Variants in CLTA observed in about 807,000 individuals in gnomAD.
CLTA encodes the protein clathrin light chain A.
In CLTA, 9 loss-of-function variants were observed where a neutral mutation model predicts 26.9. That is an observed-to-expected ratio of 0.33 (90% CI 0.20 to 0.58). The LOEUF is 0.58. Ranked by LOEUF, CLTA falls within the 20% of genes least tolerant of loss-of-function variation. The pLI, the probability that CLTA is intolerant of heterozygous loss-of-function variation, is 0.85. For synonymous variants in CLTA, 120 were observed against 115.5 expected, an observed-to-expected ratio of 1.04 and a Z score of -0.25; for missense variants, 278 against 294.2, an observed-to-expected ratio of 0.94 and a Z score of 0.40.
chr9:36,209,391 T>C (rs1827912534), intron 4 of CLTA: 2 of 1,205,674 alleles, frequency 1.7e-6, no homozygotes, highest in Admixed American at 3.6e-5. Context: ...AATGCTCCTT[T>C]TATGTCACAA....
chr9:36,198,892 A>AC (rs1341663463), intron 2 of CLTA, 87 bp from the exon 3 acceptor site: 2 of 835,554 alleles, frequency 2.4e-6, no homozygotes, highest in African/African-American at 1.8e-5. Context: ...AAAAAAAAAA[A>AC]CAGAACCAGG....
rs1587239040 is a variant in CLTA at position 36,205,561 on chromosome 9, T to C, written c.485+1382T>C. ...TAAGTTTAGTCTGAAGTACTGTAGC[T>C]GTGCCGACCCTCCCCGCTCTGGGTC... On this transcript the variant is annotated intron_variant, in intron 4 of 4. Transcript: ENST00000345519. 3.9e-5 allele frequency among the ~76,000 whole-genome samples: 6 copies of C among 152,332 alleles called. No homozygotes were observed. The South Asian group carries it at 1.0e-3, about 26-fold the overall frequency.
At chr9:36,190,909 CG>C, upstream of CLTA, 1 of 1,355,582 alleles carries the variant, frequency 7.4e-7, no homozygotes, top group Non-Finnish European at 9.6e-7. Flanking sequence ...ACCGGATACA[CG>C]GGTAGGGCTT....
Position 36,191,037 on chromosome 9 carries a change from G to C in CLTA, c.-20G>C. On this transcript the variant is annotated 5_prime_UTR_variant, in exon 1 of 5. Transcript: ENST00000345519. ...GGTTTTTGTCTCACCGTTGGTGTCC[G>C]TGCCGTTCAGTTGCCCGCCATGGCT... 6.6e-7 allele frequency: 1 copy of C among 1,518,200 alleles called. No individual in the cohort carries two copies. Among genetic ancestry groups the C allele is most frequent in the Middle Eastern group, 1.8e-4 (1 of 5,684 alleles). The allele number at this position is 1,518,200 out of a possible 1,614,324, so 94.0% of individuals were successfully genotyped here.
intron 2 of CLTA, 146 bp downstream of exon 2, chr9:36,197,734 A>G: frequency 1.6e-6 from 1 of 631,616 alleles, no homozygotes. Context: ...CAAAGTGGAA[A>G]GATTTAAAGA....
chr9:36,195,011 C>T (rs533839520), intron 1 of CLTA, among the ~76,000 whole-genome samples: 55 of 152,288 alleles, frequency 3.6e-4, no homozygotes, highest in African/African-American at 1.3e-3. Flanking sequence ...CAAAGTCTCT[C>T]ATATTCCAGC....
intron 4 of CLTA, among the ~76,000 whole-genome samples, chr9:36,210,396 T>G (rs374616389): frequency 3.3e-5 from 5 of 152,158 alleles, no homozygotes; most frequent in African/African-American, 7.2e-5. Flanking sequence ...ACAGGTGGTG[T>G]TTGATTTGAT....
At position 36,200,236 on chromosome 9, in the gene CLTA, T is replaced by G. The variant is rs141614052; in HGVS notation, c.373+1140T>G. 5.1e-3 allele frequency among the ~76,000 whole-genome samples: 776 copies of G among 152,320 alleles called. 4 individuals are homozygous for G. The highest frequency in any genetic ancestry group is 8.8e-3 in the Admixed American group (135 of 15,290). ...AGCTGACTTTAAGATTCATCTTTTC[T>G]CAACTTTACAGAACAATTGAAAGGA... is the stretch of plus-strand genomic sequence containing the variant. On this transcript the variant is annotated intron_variant, in intron 3 of 4. Coordinates refer to ENST00000345519, the MANE Select transcript of CLTA (RefSeq NM_001833.4).
intron 2 of CLTA, among the ~76,000 whole-genome samples, chr9:36,198,574 G>C (rs1827191307): frequency 6.6e-6 from 1 of 151,870 alleles, no homozygotes; most frequent in Non-Finnish European, 1.5e-5. Context: ...CTACTGGGGA[G>C]GCTGAGGCAA....
intron 2 of CLTA, among the ~76,000 whole-genome samples, chr9:36,198,345 A>G (rs989179756): frequency 7.9e-5 from 12 of 151,554 alleles, no homozygotes; most frequent in South Asian, 2.1e-4. Flanking sequence ...TCTAACAACA[A>G]TGGCGGCTTT....
intron 1 of CLTA, among the ~76,000 whole-genome samples, chr9:36,193,325 T>TTC (rs1826846642): frequency 6.6e-6 from 1 of 151,960 alleles, no homozygotes; most frequent in African/African-American, 2.4e-5. Flanking sequence ...TTCTTTTTTT[T>TTC]TTTTTTTAAA....
At chr9:36,200,924 G>A (rs1300083698) in intron 3 of CLTA, among the ~76,000 whole-genome samples, 1 of 152,160 alleles carries the variant, frequency 6.6e-6, no homozygotes, top group Non-Finnish European at 1.5e-5. Context: ...CTTGTTCTTT[G>A]TGTCTCTTGA....
intron 4 of CLTA, among the ~76,000 whole-genome samples, chr9:36,205,303 GCT>G (rs1360554290): frequency 2.6e-4 from 39 of 152,302 alleles, no homozygotes; most frequent in African/African-American, 8.4e-4. Flanking sequence ...CCACAGGACT[GCT>G]CTCTGGTGTG....
intron 3 of CLTA, among the ~76,000 whole-genome samples, chr9:36,201,456 G>A (rs1000289189): frequency 6.6e-6 from 1 of 152,162 alleles, no homozygotes; most frequent in South Asian, 2.1e-4. Flanking sequence ...TTCTAAATTA[G>A]TATTGCAGTG....
Position 36,211,761 on chromosome 9 carries a change from C to G in CLTA, c.644C>G (p.Pro215Arg). 1.9e-6 allele frequency: 3 copies of G among 1,610,294 alleles called. No homozygotes were observed. Among genetic ancestry groups the G allele is most frequent in the Non-Finnish European group, 2.5e-6 (3 of 1,177,138 alleles). The part of the protein sequence containing the change: ...RSVLISLKQA[P>R]LVH ...GTCCTCATCTCCCTCAAGCAGGCCCCGCTGGTGCACTGAAGAGCCACCCTG... is the reference window on the plus strand; with the variant it reads ...GTCCTCATCTCCCTCAAGCAGGCCCGGCTGGTGCACTGAAGAGCCACCCTG... The change falls in exon 5 of 5, where the codon CCG (proline) becomes CGG (arginine). Residue 215 changes from proline (P) to arginine (R), a missense_variant. Pro to Arg is a moderately radical substitution (Grantham distance 103). Coordinates refer to ENST00000345519, the MANE Select transcript of CLTA (RefSeq NM_001833.4).
intron 1 of CLTA, among the ~76,000 whole-genome samples, chr9:36,192,120 A>G (rs1826766950): frequency 1.3e-5 from 2 of 152,190 alleles, no homozygotes; most frequent in Non-Finnish European, 2.9e-5. Flanking sequence ...TAATACAAAG[A>G]AGTAGGAAAT....
intron 4 of CLTA, among the ~76,000 whole-genome samples, chr9:36,208,846 G>T (rs967153713): frequency 2.0e-5 from 3 of 152,212 alleles, no homozygotes; most frequent in Non-Finnish European, 4.4e-5. Flanking sequence ...TGCCACTGTG[G>T]TGTAGCTGAG....
chr9:36,198,304 A>G (rs1030716914), intron 2 of CLTA, among the ~76,000 whole-genome samples: 3 of 151,206 alleles, frequency 2.0e-5, no homozygotes, highest in African/African-American at 4.8e-5. Context: ...CGCCAGAGCC[A>G]CCGCAACCTT....
At chr9:36,202,115 A>G (rs1435929638) in intron 3 of CLTA, among the ~76,000 whole-genome samples, 1 of 152,154 alleles carries the variant, frequency 6.6e-6, no homozygotes, top group Non-Finnish European at 1.5e-5. Flanking sequence ...TATCTCAAAT[A>G]AAACAAAAAA....
Sources: gnomAD v4.1 joint callset for allele counts (sites outside exome capture counted in the v4.1 genomes callset) on GRCh38, gnomAD v4.1.1 for gene constraint, MANE v1.5 for transcripts, NCBI Gene and HGNC (gene_info 2026-07-23, HGNC 2026-07-21) for gene names.